The following PGD variants were observed in gnomAD, a reference collection of about 807,000 sequenced individuals.
PGD encodes the protein 6-phosphogluconate dehydrogenase, decarboxylating.
PGD carries 21 observed loss-of-function variants against 60.4 expected under a neutral mutation model. The ratio of observed to expected loss-of-function variants is 0.35; its 90% CI spans 0.25 to 0.50. The LOEUF (loss-of-function observed/expected upper bound fraction) is 0.50, where lower values mean the gene tolerates loss of function less well. Among genes scored for constraint, PGD ranks in the 20% least tolerant of loss-of-function variants. The pLI is 0.98. For synonymous variants in PGD, 230 were observed against 235.9 expected, an observed-to-expected ratio of 0.97 and a Z score of 0.23; for missense variants, 477 against 613.1, an observed-to-expected ratio of 0.78 and a Z score of 2.34.
chr1:10,417,650 G>T, intron 10 of PGD, 141 bp downstream of exon 10: 1 of 746,888 alleles, frequency 1.3e-6, no homozygotes, highest in Non-Finnish European at 2.1e-6. Context: ...GATAGGCTTA[G>T]ATTATGTGGT....
intron 5 of PGD, among the ~76,000 whole-genome samples, chr1:10,404,917 G>A (rs980855322): frequency 6.6e-6 from 1 of 152,160 alleles, no homozygotes; most frequent in Non-Finnish European, 1.5e-5. Flanking sequence ...TGTGATAATC[G>A]TGGGTAACAG....
intron 2 of PGD, chr1:10,399,965 A>AG (rs763717990): frequency 3.8e-5 from 21 of 556,496 alleles, no homozygotes; most frequent in Non-Finnish European, 5.8e-5. Flanking sequence ...GTAGAGAAGA[A>AG]GGGTGCGGGA....
At position 10,419,940 on chromosome 1, in the gene PGD, C is replaced by A; in HGVS notation, c.*191C>A. On this transcript the variant is annotated 3_prime_UTR_variant, in exon 13 of 13. Transcript: ENST00000270776. ...GAGCCACCATGCCCTCTGCCCTTGC[C>A]TCTTGGGACTGACCAGGAGCTGCTC... is the stretch of plus-strand genomic sequence containing the variant. 1.6e-6 allele frequency: 1 copy of A among 629,044 alleles called. No individual in the cohort carries two copies. Among genetic ancestry groups the A allele is most frequent in the Non-Finnish European group, 2.7e-6 (1 of 369,018 alleles). The allele number at this position is 629,044 out of a possible 1,614,324, so 39.0% of individuals were successfully genotyped here.
intron 8 of PGD, among the ~76,000 whole-genome samples, chr1:10,415,090 A>T (rs1339763001): frequency 3.1e-5 from 2 of 65,412 alleles, no homozygotes; most frequent in African/African-American, 1.1e-4. Context: ...GACTCCGCCT[A>T]AAAAAAAAAA....
chr1:10,399,083 C>A lies in PGD; in HGVS notation c.-35C>A. Reference sequence around the variant, plus strand: ...GTCTTTCCCTCACTCGTCCTCCGCGCGTCGCCGCTCTTCGGTTCTGCTCTG... The same window carrying A: ...GTCTTTCCCTCACTCGTCCTCCGCGAGTCGCCGCTCTTCGGTTCTGCTCTG... On this transcript the variant is annotated 5_prime_UTR_variant, in exon 1 of 13. Coordinates refer to ENST00000270776, the MANE Select transcript of PGD (RefSeq NM_002631.4). 1 of 1,608,946 alleles carries A rather than the reference C, an allele frequency of 6.2e-7. No individual in the cohort carries two copies.
chr1:10,410,995 C>G (rs886955386), intron 6 of PGD, among the ~76,000 whole-genome samples: 1 of 151,146 alleles, frequency 6.6e-6, no homozygotes, highest in Non-Finnish European at 1.5e-5. Context: ...TGAAAAAAAA[C>G]AAGTGATTTA....
At position 10,411,459 on chromosome 1, in the gene PGD, C is replaced by A; in HGVS notation, c.561C>A (p.His187Gln). The change falls in exon 7 of 13, where the codon CAC becomes CAA. Residue 187 changes from histidine to glutamine, a missense_variant. By Grantham distance (24) the His-to-Gln change is conservative (BLOSUM62 0). Coordinates refer to ENST00000270776, the MANE Select transcript of PGD (RefSeq NM_002631.4). The part of the protein sequence containing the change: ...EGAGHFVKMV[H>Q]NGIEYGDMQL... ...CAGGCCACTTCGTGAAGATGGTGCACAACGGGATAGAGTATGGGGACATGC... is the reference window on the plus strand; with the variant it reads ...CAGGCCACTTCGTGAAGATGGTGCAAAACGGGATAGAGTATGGGGACATGC... The A allele has an allele frequency of 6.2e-7, 1 of 1,613,990 alleles. No individual in the cohort carries two copies. Among genetic ancestry groups the A allele is most frequent in the Non-Finnish European group, 8.5e-7 (1 of 1,179,996 alleles).
chr1:10,417,882 T>G (rs1159843579), intron 10 of PGD, among the ~76,000 whole-genome samples: 2 of 152,174 alleles, frequency 1.3e-5, no homozygotes, highest in South Asian at 4.1e-4. Flanking sequence ...GCTAATTCTT[T>G]TGTATTTGTA....
At chr1:10,412,455 T>G (rs1639515134) in intron 7 of PGD, among the ~76,000 whole-genome samples, 1 of 152,248 alleles carries the variant, frequency 6.6e-6, no homozygotes, top group Non-Finnish European at 1.5e-5. Flanking sequence ...TGACTATTGT[T>G]TGTTTCACTG....
intron 7 of PGD, 73 bp downstream of exon 7, chr1:10,411,625 C>G: frequency 6.3e-7 from 1 of 1,575,368 alleles, no homozygotes; most frequent in African/African-American, 1.3e-5. Context: ...CGAATCTTTT[C>G]TTCATTCCTA....
At chr1:10,409,648 A>ATTTTTTTT (rs1220484164) in intron 6 of PGD, among the ~76,000 whole-genome samples, 2 of 90,548 alleles carry the variant, frequency 2.2e-5, no homozygotes, top group African/African-American at 9.3e-5. Context: ...AGTGGTAGCA[A>ATTTTTTTT]CTTTTTTTTT....
chr1:10,419,000 T>G (rs1025259459), intron 11 of PGD, 75 bp downstream of exon 11: 149 of 858,162 alleles, frequency 1.7e-4, no homozygotes, highest in Non-Finnish European at 2.3e-4. Flanking sequence ...GGTTTTTTGT[T>G]TTTTTTTTTT....
chr1:10,408,203 C>A, intron 6 of PGD, 63 bp downstream of exon 6: 1 of 960,794 alleles, frequency 1.0e-6, no homozygotes, highest in African/African-American at 1.6e-5. Flanking sequence ...TGATGAAGTG[C>A]GTGGAGAAAG....
intron 5 of PGD, among the ~76,000 whole-genome samples, chr1:10,407,335 A>G (rs898914245): frequency 2.0e-5 from 3 of 152,100 alleles, no homozygotes; most frequent in Non-Finnish European, 4.4e-5. Context: ...CTGTAGCCCC[A>G]CCTACTTGGG....
At chr1:10,412,886 C>T in intron 7 of PGD, 176 bp from the exon 8 acceptor site, 1 of 578,662 alleles carries the variant, frequency 1.7e-6, no homozygotes. Flanking sequence ...TCAGAACAAA[C>T]ACAACTGACT....
At chr1:10,406,599 G>A (rs1266180428) in intron 5 of PGD, among the ~76,000 whole-genome samples, 2 of 152,188 alleles carry the variant, frequency 1.3e-5, no homozygotes, top group Non-Finnish European at 2.9e-5. Context: ...AAGCTCTGCG[G>A]TTTCCGGTGT....
chr1:10,402,014 CAAAT>C (rs571995482), intron 3 of PGD, among the ~76,000 whole-genome samples: 1,660 of 151,580 alleles, frequency 0.011, 15 homozygotes, highest in Non-Finnish European at 0.017. Flanking sequence ...GACTCCGTCT[CAAAT>C]AAATAAATAA....
At chr1:10,418,512 C>T (rs938176939) in intron 10 of PGD, among the ~76,000 whole-genome samples, 13 of 152,116 alleles carry the variant, frequency 8.5e-5, no homozygotes, top group African/African-American at 2.4e-4. Context: ...CGCGGTGGCT[C>T]ACACCTGTAA....
rs777980806 is a variant in PGD, at chr1:10,403,183, A to G, written c.330+47A>G. ...TTCTTCCAGGTTCCGAGAACATTCT[A>G]GAAAAAAGTGTCAGCATCGCATATG... On this transcript the variant is annotated intron_variant, in intron 4 of 12. Transcript: ENST00000270776. The G allele has an allele frequency of 3.7e-6, 5 of 1,354,532 alleles. No homozygotes were observed. In the South Asian group the frequency reaches 4.7e-5, roughly 13 times the overall value. The allele number at this position is 1,354,532 out of a possible 1,614,324, so 83.9% of individuals were successfully genotyped here.
Sources: gnomAD v4.1 joint callset for allele counts (sites outside exome capture counted in the v4.1 genomes callset) on GRCh38, gnomAD v4.1.1 for gene constraint, MANE v1.5 for transcripts, NCBI Gene and HGNC (gene_info 2026-07-23, HGNC 2026-07-21) for gene names.